Variants in STN1 observed in about 807,000 individuals in gnomAD.
STN1 encodes STN1 subunit of CST complex.
A neutral mutation model predicts 45.5 loss-of-function variants in STN1; 29 were observed. The ratio of observed to expected loss-of-function variants is 0.64; its 90% CI spans 0.47 to 0.87. The LOEUF is 0.87. Ranked by LOEUF, STN1 falls within the 40% of genes least tolerant of loss-of-function variation. The pLI is 0.00. For missense variants in STN1, 376 were observed against 441.4 expected (o/e 0.85, Z 1.33); for synonymous variants, 148 against 159.0 (o/e 0.93, Z 0.52).
chr10:103,901,286 T>C (rs1843208798), intron 4 of STN1, among the ~76,000 whole-genome samples: 1 of 152,238 alleles, frequency 6.6e-6, no homozygotes, highest in Non-Finnish European at 1.5e-5. Flanking sequence ...AGGGTCTCAC[T>C]ATGTTGCCCA....
chr10:103,915,898 C>T (rs1314365872), intron 2 of STN1, among the ~76,000 whole-genome samples: 3 of 151,940 alleles, frequency 2.0e-5, no homozygotes, highest in Non-Finnish European at 4.4e-5. Flanking sequence ...CAACTAGATC[C>T]CTCACACGTG....
At chr10:103,886,390 A>C (rs991016475) in intron 9 of STN1, among the ~76,000 whole-genome samples, 1 of 135,900 alleles carries the variant, frequency 7.4e-6, no homozygotes, top group Non-Finnish European at 1.6e-5. Flanking sequence ...TTATTGTACC[A>C]GTCTTTTAAT....
intron 2 of STN1, among the ~76,000 whole-genome samples, chr10:103,914,678 C>A (rs1007519942): frequency 3.3e-5 from 5 of 151,446 alleles, no homozygotes; most frequent in Admixed American, 3.3e-4. Context: ...GCAAAAAAAA[C>A]CCAAAAACAA....
At position 103,917,638 on chromosome 10, in the gene STN1, G is replaced by A. The variant is rs529998651; in HGVS notation, c.-44C>T. ...CTTCCAGCTAACTCTGAAAGGTTCT[G>A]CATCACTGAGTCAAGCATCTAGATG... On this transcript the variant is annotated 5_prime_UTR_variant, in exon 2 of 10. The change creates a premature stop within an existing upstream ORF in the 5' untranslated region. Coordinates refer to ENST00000224950, the MANE Select transcript of STN1 (RefSeq NM_024928.5). The A allele has an allele frequency of 6.2e-7, 1 of 1,600,252 alleles. No homozygotes were observed. The highest frequency in any genetic ancestry group is 1.1e-5 in the South Asian group (1 of 89,778).
rs1234571275 is a variant in STN1, at chr10:103,880,661, G to C, written c.*2023C>G. Reference sequence around the variant, plus strand: ...CAGTTCAGGGAAGAGGCCCATTCTGGGTTTAAACTGAGGTGTTAGACAGCA... The same window carrying C: ...CAGTTCAGGGAAGAGGCCCATTCTGCGTTTAAACTGAGGTGTTAGACAGCA... On this transcript the variant is annotated 3_prime_UTR_variant, in exon 10 of 10. Transcript: ENST00000224950. Among the ~76,000 whole-genome samples, 2 of 152,186 alleles carry C rather than the reference G, an allele frequency of 1.3e-5. No homozygotes were observed. Among genetic ancestry groups the C allele is most frequent in the East Asian group, 1.9e-4 (1 of 5,198 alleles).
intron 5 of STN1, chr10:103,899,845 A>G (rs1788625221): frequency 8.0e-6 from 4 of 499,376 alleles, no homozygotes; most frequent in Admixed American, 3.7e-5. Context: ...AAAGTAAATA[A>G]TTCATTTTCT....
intron 2 of STN1, among the ~76,000 whole-genome samples, chr10:103,915,619 T>C (rs1370410368): frequency 2.0e-5 from 3 of 152,228 alleles, no homozygotes; most frequent in African/African-American, 7.2e-5. Flanking sequence ...AAGATATTCT[T>C]TGCTGTTTAA....
Position 103,897,617 on chromosome 10 carries a change from C to T in STN1, c.684G>A (p.Glu228=). Residue 228 remains glutamate (E), a synonymous_variant, in exon 7 of 10, where the codon GAG becomes GAA. Coordinates refer to ENST00000224950, the MANE Select transcript of STN1 (RefSeq NM_024928.5). The part of the protein sequence containing the change: ...ENRVQSFYQQ[E]LEMVESLLSL... ...ACAGCAAAGACTCCACCATTTCCAG[C>T]TCCTGCTGGTAAAAGCTCTGCACTC... 6.2e-7 allele frequency: 1 copy of T among 1,614,158 alleles called. No homozygotes were observed. Among genetic ancestry groups the T allele is most frequent in the Non-Finnish European group, 8.5e-7 (1 of 1,180,014 alleles).
intron 2 of STN1, among the ~76,000 whole-genome samples, chr10:103,911,856 TTTCCCTTGTAGACA>T (rs965593902): frequency 6.6e-6 from 1 of 152,150 alleles, no homozygotes; most frequent in African/African-American, 2.4e-5. Flanking sequence ...GATGGCTCTG[TTTCCCTTGTAGACA>T]AAGGGACTGA....
intron 3 of STN1, among the ~76,000 whole-genome samples, chr10:103,908,556 T>C (rs546775711): frequency 1.3e-5 from 2 of 152,302 alleles, no homozygotes; most frequent in South Asian, 4.1e-4. Context: ...ATATTGTGCC[T>C]GAGGACAGCA....
chr10:103,913,361 C>T (rs1438413581), intron 2 of STN1, among the ~76,000 whole-genome samples: 1 of 152,068 alleles, frequency 6.6e-6, no homozygotes, highest in Non-Finnish European at 1.5e-5. Flanking sequence ...TGTGAATTTT[C>T]ATCTCACGGA....
chr10:103,903,768 A>G (rs1391686105), intron 4 of STN1, among the ~76,000 whole-genome samples: 1 of 152,210 alleles, frequency 6.6e-6, no homozygotes. Context: ...CAGCAGCACA[A>G]AACAGATTAA....
rs536058175 is a variant in STN1 at position 103,888,780 on chromosome 10, C to T, written c.949+292G>A. ...CTGTATCAGAATTCCTTGTCTAGCC[C>T]CCACCTCATCCTCTATGGAAACAAA... On this transcript the variant is annotated intron_variant, in intron 9 of 9. Coordinates refer to ENST00000224950, the MANE Select transcript of STN1 (RefSeq NM_024928.5). Among the ~76,000 whole-genome samples the T allele has an allele frequency of 3.9e-5, 6 of 152,292 alleles. No individual in the cohort carries two copies. In the South Asian group the frequency reaches 1.2e-3, roughly 32 times the overall value.
At chr10:103,886,871 C>T (rs538237958) in intron 9 of STN1, among the ~76,000 whole-genome samples, 2 of 152,304 alleles carry the variant, frequency 1.3e-5, no homozygotes, top group South Asian at 2.1e-4. Context: ...GTGGCAAAGC[C>T]GGGATTCAAA....
Position 103,898,889 on chromosome 10 carries a change from T to C in STN1, c.569A>G (p.Glu190Gly). ...AGTCACCACTTACCTTAGTGCCTCT[T>C]CTTTCTCTAGGGCTGAGCTGTGAAA... ...QPFHSSALEK[E>G]EALSNPGALD... The change falls in exon 6 of 10, where the codon GAA becomes GGA. Residue 190 changes from glutamate to glycine, a missense_variant. Coordinates refer to ENST00000224950, the MANE Select transcript of STN1 (RefSeq NM_024928.5). 2 of 1,613,902 alleles carry C rather than the reference T, an allele frequency of 1.2e-6. No individual in the cohort carries two copies. The highest frequency in any genetic ancestry group is 1.7e-6 in the Non-Finnish European group (2 of 1,179,942).
At position 103,910,631 on chromosome 10, in the gene STN1, T is replaced by TA; in HGVS notation, c.134-10dup. On this transcript the variant is annotated splice_polypyrimidine_tract_variant and intron_variant, in intron 2 of 9. Coordinates refer to ENST00000224950, the MANE Select transcript of STN1 (RefSeq NM_024928.5). Reference sequence around the variant, plus strand: ...ATTGTACAAAAATACACCTAAAATTTAAAAAAAGCAAAGTCGACATAATGT... The same window carrying TA: ...ATTGTACAAAAATACACCTAAAATTTAAAAAAAAGCAAAGTCGACATAATGT... 6 of 1,514,726 alleles carry TA rather than the reference T, an allele frequency of 4.0e-6. No homozygotes were observed. Among genetic ancestry groups the TA allele is most frequent in the South Asian group, 1.1e-5 (1 of 88,504 alleles). 93.8% of individuals were successfully genotyped at this position (1,514,726 alleles called of 1,614,324 possible). A position where few individuals can be genotyped will look rare whatever the true frequency, so the allele number is the denominator to read the frequency against.
At chr10:103,904,975 T>G (rs1181267399) in intron 4 of STN1, 116 bp downstream of exon 4, 2 of 891,360 alleles carry the variant, frequency 2.2e-6, no homozygotes. Context: ...GGTAGATCAA[T>G]GTAACTCACC....
Position 103,883,101 on chromosome 10 carries a change from A to AT in STN1, c.950-261dup, listed in dbSNP as rs372937263. ...AACCTTCAAGGATTCCCAATCAAAG[A>AT]TTTTTTTATCTGTAACCTAGTGGAT... On this transcript the variant is annotated intron_variant, in intron 9 of 9. Coordinates refer to ENST00000224950, the MANE Select transcript of STN1 (RefSeq NM_024928.5). 2.0e-5 allele frequency among the ~76,000 whole-genome samples: 3 copies of AT among 152,152 alleles called. No individual in the cohort carries two copies. The East Asian group carries it at 5.8e-4, about 29-fold the overall frequency.
In STN1 at chr10:103,910,606, A is replaced by G. The variant is rs745951321; in HGVS notation, c.150T>C (p.Asn50=). ...CATCTACCTGTTTTATTGGATGTCC[A>G]TTGTACAAAAATACACCTAAAATTT... The part of the protein sequence containing the change: ...SRQVPGVFLY[N]GHPIKQVDVL... The change falls in exon 3 of 10, where the codon AAT becomes AAC. Residue 50 remains asparagine (N), a synonymous_variant. Transcript: ENST00000224950. 6.2e-6 allele frequency: 10 copies of G among 1,604,784 alleles called. No individual in the cohort carries two copies. Among genetic ancestry groups the G allele is most frequent in the Non-Finnish European group, 6.8e-6 (8 of 1,172,478 alleles).
Sources: allele counts gnomAD v4.1 joint callset (sites outside exome capture counted in the v4.1 genomes callset), GRCh38; gene constraint gnomAD v4.1.1; transcripts MANE v1.5; gene names NCBI Gene and HGNC (gene_info 2026-07-23, HGNC 2026-07-21).